The following UQCC1 variants were observed in gnomAD, a reference collection of about 807,000 sequenced individuals.
UQCC1 encodes the protein bFGF-repressed Zic-binding protein.
A neutral mutation model predicts 48.0 loss-of-function variants in UQCC1; 38 were observed. That is an observed-to-expected ratio of 0.79 (90% confidence interval 0.61 to 1.04). The LOEUF is 1.04. Ranked by LOEUF, UQCC1 falls within the 50% of genes least tolerant of loss-of-function variation. UQCC1 has a pLI of 0.00. For synonymous variants in UQCC1, 111 were observed against 129.2 expected, an observed-to-expected ratio of 0.86 and a Z score of 0.95; for missense variants, 368 against 381.8, an observed-to-expected ratio of 0.96 and a Z score of 0.30.
intron 4 of UQCC1, among the ~76,000 whole-genome samples, chr20:35,380,339 T>C (rs1212468017): frequency 6.6e-6 from 1 of 152,210 alleles, no homozygotes; most frequent in Admixed American, 6.5e-5. Context: ...AAGAAGATAC[T>C]TCATAACCTT....
At chr20:35,371,444 T>C (rs188137399) in intron 5 of UQCC1, among the ~76,000 whole-genome samples, 308 of 151,428 alleles carry the variant, frequency 2.0e-3, no homozygotes, top group Non-Finnish European at 3.7e-3. Flanking sequence ...TTCAAGTGAT[T>C]CTCCTGCCTT....
chr20:35,396,487 C>A (rs746843112), intron 1 of UQCC1, among the ~76,000 whole-genome samples: 1 of 151,916 alleles, frequency 6.6e-6, no homozygotes, highest in Non-Finnish European at 1.5e-5. Context: ...AATGTGTTTT[C>A]ATAAACACTG....
chr20:35,393,487 C>CAA (rs1290152495), intron 2 of UQCC1, among the ~76,000 whole-genome samples: 6 of 88,556 alleles, frequency 6.8e-5, no homozygotes, highest in African/African-American at 2.5e-4. Flanking sequence ...CACACACACA[C>CAA]ACACAAACAC....
chr20:35,402,892 C>A (rs1476032790), intron 1 of UQCC1, among the ~76,000 whole-genome samples: 1 of 151,438 alleles, frequency 6.6e-6, no homozygotes, highest in East Asian at 1.9e-4. Context: ...ACAGTGAAAC[C>A]CCATCTCTAC....
intron 1 of UQCC1, among the ~76,000 whole-genome samples, chr20:35,404,033 C>G (rs534236468): frequency 1.3e-5 from 2 of 151,858 alleles, no homozygotes; most frequent in African/African-American, 2.4e-5. Context: ...GTCAGGAGAT[C>G]GAGACCATCC....
intron 1 of UQCC1, among the ~76,000 whole-genome samples, chr20:35,409,185 G>A (rs1306286487): frequency 2.6e-5 from 4 of 152,058 alleles, no homozygotes; most frequent in Non-Finnish European, 5.9e-5. Context: ...AGTTTCAAAG[G>A]TGGCCAAGCA....
At chr20:35,384,017 G>C in intron 3 of UQCC1, 21 bp downstream of exon 3, 3 of 1,600,340 alleles carry the variant, frequency 1.9e-6, no homozygotes, top group Non-Finnish European at 2.6e-6. Context: ...TATAAACACA[G>C]AATGCACTGA....
At chr20:35,409,534 T>A (rs888761460) in intron 1 of UQCC1, 16 of 175,082 alleles carry the variant, frequency 9.1e-5, no homozygotes, top group African/African-American at 1.9e-4. Flanking sequence ...AACTTTTTTT[T>A]AATTTTCTAA....
intron 5 of UQCC1, among the ~76,000 whole-genome samples, chr20:35,371,390 T>C (rs1354849608): frequency 2.0e-5 from 3 of 148,988 alleles, no homozygotes; most frequent in African/African-American, 7.4e-5. Flanking sequence ...CAGGCTGGAG[T>C]GCAGTGGTGT....
chr20:35,402,050 G>A lies in UQCC1; in HGVS notation c.25-7854C>T, dbSNP rs372316789. ...CCGGAGTCCAAAGAACAGATACTAC[G>A]GTAACAAACTTTCCTTCCAGTTACA... On this transcript the variant is annotated intron_variant, in intron 1 of 9. Coordinates refer to ENST00000374385, the MANE Select transcript of UQCC1 (RefSeq NM_018244.5). Among the ~76,000 whole-genome samples the A allele has an allele frequency of 9.2e-5, 14 of 152,072 alleles. No individual in the cohort carries two copies. In the East Asian group the frequency reaches 1.5e-3, roughly 17 times the overall value.
intron 5 of UQCC1, among the ~76,000 whole-genome samples, chr20:35,367,040 G>A (rs1208990299): frequency 7.0e-6 from 1 of 143,582 alleles, no homozygotes; most frequent in African/African-American, 2.5e-5. Context: ...GTTGCAGTGA[G>A]CCAAGATCAC....
chr20:35,379,977 G>A (rs2061847242), intron 4 of UQCC1, among the ~76,000 whole-genome samples: 1 of 152,096 alleles, frequency 6.6e-6, no homozygotes, highest in Non-Finnish European at 1.5e-5. Context: ...TTTTCCTGAT[G>A]ATTTAGTAAT....
chr20:35,318,955 T>TGGG (rs2061093048), intron 7 of UQCC1, among the ~76,000 whole-genome samples: 1 of 152,216 alleles, frequency 6.6e-6, no homozygotes, highest in Non-Finnish European at 1.5e-5. Flanking sequence ...TGCCCATGAC[T>TGGG]ACACAGCTGC....
chr20:35,390,211 G>C (rs1326390004), intron 2 of UQCC1, among the ~76,000 whole-genome samples: 1 of 152,064 alleles, frequency 6.6e-6, no homozygotes, highest in Non-Finnish European at 1.5e-5. Context: ...GATCACTCGA[G>C]GTCAGGAGTT....
At chr20:35,352,186 A>C (rs1260747952) in intron 6 of UQCC1, among the ~76,000 whole-genome samples, 3 of 152,368 alleles carry the variant, frequency 2.0e-5, no homozygotes, top group Admixed American at 2.0e-4. Context: ...GAGACAAAAG[A>C]CAAAGGGAAT....
chr20:35,367,079 G>A (rs2146442117), intron 5 of UQCC1, among the ~76,000 whole-genome samples: 1 of 134,988 alleles, frequency 7.4e-6, no homozygotes, highest in Non-Finnish European at 1.6e-5. Context: ...GGGCAATAGA[G>A]TGAGACTCTG....
intron 6 of UQCC1, among the ~76,000 whole-genome samples, chr20:35,357,347 C>A (rs940215273): frequency 5.9e-5 from 9 of 152,128 alleles, no homozygotes; most frequent in African/African-American, 2.2e-4. Context: ...ATGGTGAAAC[C>A]ACATCTCTAC....
intron 3 of UQCC1, among the ~76,000 whole-genome samples, chr20:35,382,564 G>A (rs1355101318): frequency 7.3e-6 from 1 of 136,838 alleles, no homozygotes; most frequent in Non-Finnish European, 1.5e-5. Context: ...CCAGGCTGGA[G>A]TGCAGTGGCG....
intron 6 of UQCC1, among the ~76,000 whole-genome samples, chr20:35,354,396 C>T (rs934337041): frequency 2.9e-3 from 421 of 145,318 alleles, no homozygotes; most frequent in African/African-American, 0.01. Flanking sequence ...GGCAAATTCT[C>T]TTTTTTTTTT....
Sources: allele counts gnomAD v4.1 joint callset (sites outside exome capture counted in the v4.1 genomes callset), GRCh38; gene constraint gnomAD v4.1.1; transcripts MANE v1.5; gene names NCBI Gene and HGNC (gene_info 2026-07-23, HGNC 2026-07-21).